The following GADL1 variants were observed in gnomAD, a reference collection of about 807,000 sequenced individuals.
The protein encoded by GADL1 is acidic amino acid decarboxylase GADL1.
In GADL1, 71 loss-of-function variants were observed where a neutral mutation model predicts 69.5. That is an observed-to-expected ratio of 1.02 (90% CI 0.84 to 1.25). The LOEUF (loss-of-function observed/expected upper bound fraction) is 1.25. Among genes scored for constraint, GADL1 ranks in the 50% most tolerant of loss-of-function variants. The pLI is 0.00. For missense variants in GADL1, 737 were observed against 631.8 expected, an observed-to-expected ratio of 1.17 and a Z score of -1.79; for synonymous variants, 254 against 214.4, an observed-to-expected ratio of 1.18 and a Z score of -1.62.
chr3:30,826,902 C>A (rs1697690585), intron 11 of GADL1, among the ~76,000 whole-genome samples: 1 of 151,844 alleles, frequency 6.6e-6, no homozygotes, highest in African/African-American at 2.4e-5. Context: ...AATGCTGGCA[C>A]AACCCAGAGT....
intron 14 of GADL1, among the ~76,000 whole-genome samples, chr3:30,761,903 G>C (rs775896817): frequency 2.0e-5 from 3 of 152,062 alleles, no homozygotes. Context: ...ATAATATGAA[G>C]TTTATATGCA....
chr3:30,845,555 T>C lies in GADL1; in HGVS notation c.652-1089A>G, dbSNP rs562517247. ...TTATTGGGAGCTCTTTTTTTAACTCTGTAAAAATAAATGCAGAAGTAACAT... is the reference window on the plus strand; with the variant it reads ...TTATTGGGAGCTCTTTTTTTAACTCCGTAAAAATAAATGCAGAAGTAACAT... On this transcript the variant is annotated intron_variant, in intron 6 of 14. Transcript: ENST00000282538. 3.9e-5 allele frequency among the ~76,000 whole-genome samples: 6 copies of C among 152,270 alleles called. No homozygotes were observed. The East Asian group carries it at 1.2e-3, about 29-fold the overall frequency.
chr3:30,760,196 G>A (rs938521034), intron 14 of GADL1, among the ~76,000 whole-genome samples: 1 of 152,066 alleles, frequency 6.6e-6, no homozygotes, highest in Non-Finnish European at 1.5e-5. Flanking sequence ...CTTCCCTGTA[G>A]GACACTTCCT....
chr3:30,824,756 A>C (rs1301461247), intron 11 of GADL1, among the ~76,000 whole-genome samples: 1 of 151,186 alleles, frequency 6.6e-6, no homozygotes, highest in Non-Finnish European at 1.5e-5. Context: ...ATTTGGTATA[A>C]CTACAGAGCA....
At chr3:30,759,668 T>A (rs369765113) in intron 14 of GADL1, among the ~76,000 whole-genome samples, 1 of 152,166 alleles carries the variant, frequency 6.6e-6, no homozygotes, top group East Asian at 1.9e-4. Context: ...CATCTTTATT[T>A]GTGGTAGATT....
intron 1 of GADL1, among the ~76,000 whole-genome samples, chr3:30,862,380 G>A (rs1241540802): frequency 6.6e-6 from 1 of 152,002 alleles, no homozygotes; most frequent in Non-Finnish European, 1.5e-5. Context: ...TATGCTGTCA[G>A]TATCCCCTTA....
At chr3:30,785,244 T>C (rs1296182402) in intron 13 of GADL1, among the ~76,000 whole-genome samples, 1 of 152,218 alleles carries the variant, frequency 6.6e-6, no homozygotes, top group Non-Finnish European at 1.5e-5. Context: ...TTAGTGCCTT[T>C]CAGTTTCCAC....
chr3:30,758,570 A>C (rs1696038492), intron 14 of GADL1, among the ~76,000 whole-genome samples: 1 of 152,228 alleles, frequency 6.6e-6, no homozygotes, highest in Non-Finnish European at 1.5e-5. Flanking sequence ...TCATATATGT[A>C]ATGGGCTTAG....
At chr3:30,759,926 T>TA (rs1478930858) in intron 14 of GADL1, among the ~76,000 whole-genome samples, 2 of 149,922 alleles carry the variant, frequency 1.3e-5, no homozygotes, top group Non-Finnish European at 3.0e-5. Flanking sequence ...CTGTCACTCA[T>TA]AAGAACATGC....
chr3:30,784,559 A>G (rs1389611171), intron 13 of GADL1, among the ~76,000 whole-genome samples: 9 of 152,146 alleles, frequency 5.9e-5, no homozygotes, highest in Non-Finnish European at 1.2e-4. Flanking sequence ...TCCTTTGTAG[A>G]TACTAGGGGA....
At chr3:30,813,866 C>T (rs1021902693) in intron 11 of GADL1, among the ~76,000 whole-genome samples, 2 of 152,078 alleles carry the variant, frequency 1.3e-5, no homozygotes, top group Admixed American at 6.5e-5. Context: ...TTGGATAGAA[C>T]AAAAGATGTA....
rs72852548 is a variant in GADL1, at chr3:30,742,185, C to A, written c.1393-13770G>T. Among the ~76,000 whole-genome samples the A allele has an allele frequency of 5.2e-3, 785 of 152,224 alleles. 8 individuals are homozygous for A. The highest frequency in any genetic ancestry group is 0.017 in the African/African-American group (721 of 41,536). On this transcript the variant is annotated intron_variant, in intron 14 of 14. Coordinates refer to ENST00000282538, the MANE Select transcript of GADL1 (RefSeq NM_207359.3). ...TTCCCTCTGTGCTCTGTCAGAATTC[C>A]TGACACACAAAATCCATGAGCATAA...
At chr3:30,883,947 T>G (rs574849240) in intron 1 of GADL1, among the ~76,000 whole-genome samples, 3 of 152,182 alleles carry the variant, frequency 2.0e-5, no homozygotes, top group East Asian at 3.9e-4. Context: ...TTTAAGAGAT[T>G]AGCAGTGAGA....
At chr3:30,834,744 T>C (rs1697846657) in intron 9 of GADL1, among the ~76,000 whole-genome samples, 1 of 152,070 alleles carries the variant, frequency 6.6e-6, no homozygotes, top group Non-Finnish European at 1.5e-5. Context: ...CGGAAATATC[T>C]GTTAATGAAA....
At chr3:30,849,008 A>G (rs1173691136) in intron 6 of GADL1, among the ~76,000 whole-genome samples, 1 of 152,138 alleles carries the variant, frequency 6.6e-6, no homozygotes, top group Non-Finnish European at 1.5e-5. Context: ...TGCCAAGAAA[A>G]TGAGGCAGAA....
chr3:30,736,633 C>T (rs953582960), intron 14 of GADL1, among the ~76,000 whole-genome samples: 1 of 152,142 alleles, frequency 6.6e-6, no homozygotes, highest in African/African-American at 2.4e-5. Flanking sequence ...AGTGTCTAAA[C>T]TGGATTTAAA....
intron 2 of GADL1, among the ~76,000 whole-genome samples, chr3:30,861,133 G>T (rs912862944): frequency 6.6e-6 from 1 of 151,902 alleles, no homozygotes; most frequent in Non-Finnish European, 1.5e-5. Context: ...ATTTAGACAA[G>T]CTCTTCATAA....
chr3:30,811,375 G>T (rs2125512623), intron 11 of GADL1, among the ~76,000 whole-genome samples: 1 of 152,316 alleles, frequency 6.6e-6, no homozygotes. Context: ...ATTTGATAGT[G>T]CAGAGATCAC....
intron 14 of GADL1, among the ~76,000 whole-genome samples, chr3:30,770,142 G>A (rs895684888): frequency 1.3e-5 from 2 of 152,100 alleles, no homozygotes; most frequent in Non-Finnish European, 2.9e-5. Flanking sequence ...GTGTATCACA[G>A]TCCCCATCAC....
Sources: gnomAD v4.1 joint callset for allele counts (sites outside exome capture counted in the v4.1 genomes callset) on GRCh38, gnomAD v4.1.1 for gene constraint, MANE v1.5 for transcripts, NCBI Gene and HGNC (gene_info 2026-07-23, HGNC 2026-07-21) for gene names.